The following FIG4 variants were observed in gnomAD, a reference collection of about 807,000 sequenced individuals.
FIG4 encodes polyphosphoinositide phosphatase.
A neutral mutation model predicts 118.6 loss-of-function variants in FIG4; 112 were observed. The observed-to-expected ratio is 0.94, with a 90% confidence interval of 0.81 to 1.11. The LOEUF is 1.11. Ranked by LOEUF, FIG4 falls within the 50% of genes least tolerant of loss-of-function variation. The pLI is 0.00. For missense variants in FIG4, 969 were observed against 1,111.7 expected, an observed-to-expected ratio of 0.87 and a Z score of 1.83; for synonymous variants, 369 against 381.2, an observed-to-expected ratio of 0.97 and a Z score of 0.37.
At chr6:109,727,979 G>A (rs1432764883) in intron 4 of FIG4, among the ~76,000 whole-genome samples, 1 of 152,182 alleles carries the variant, frequency 6.6e-6, no homozygotes, top group African/African-American at 2.4e-5. Context: ...GGTTAAAAGT[G>A]CATGTACTTG....
chr6:109,773,612 C>T lies in FIG4; in HGVS notation c.1751-3310C>T, dbSNP rs146980530. 4.3e-3 allele frequency among the ~76,000 whole-genome samples: 650 copies of T among 152,230 alleles called. 7 individuals carry two copies. Among genetic ancestry groups the T allele is most frequent in the African/African-American group, 0.012 (500 of 41,526 alleles). ...CTGTGTTTCATCCCTACTTCTGACA[C>T]GCTAGTCCACACAGCCACGGCCATC... On this transcript the variant is annotated intron_variant, in intron 15 of 22. Transcript: ENST00000230124.
intron 6 of FIG4, among the ~76,000 whole-genome samples, chr6:109,737,877 G>A (rs1185264740): frequency 2.0e-5 from 3 of 152,106 alleles, no homozygotes; most frequent in Non-Finnish European, 4.4e-5. Flanking sequence ...AGGGAGCAGA[G>A]GTGCCGTGCT....
intron 10 of FIG4, among the ~76,000 whole-genome samples, chr6:109,757,085 C>T (rs1297063679): frequency 1.3e-5 from 2 of 152,100 alleles, no homozygotes; most frequent in African/African-American, 4.8e-5. Context: ...TTGGCTCCTC[C>T]CCCTCTCTTT....
Position 109,715,159 on chromosome 6 carries a change from G to A in FIG4, c.148G>A (p.Val50Ile), listed in dbSNP as rs921714546. The change falls in exon 2 of 23, where the codon GTC becomes ATC. Residue 50 changes from valine (V) to isoleucine (I), a missense_variant. Physicochemically the swap from Val to Ile is conservative, Grantham distance 29. Around this residue, in one of 3 missense-constraint regions of FIG4, gnomAD observed 393 missense variants for 409.4 expected, o/e 0.96. Coordinates refer to ENST00000230124, the MANE Select transcript of FIG4 (RefSeq NM_014845.6). The stretch of plus-strand genomic sequence containing the variant: ...TGATAGAACAGAACCAAAAGATTTG[G>A]TCATAATTGATGACAGGGTAAGTAT... Reference protein sequence around the residue: ...KIDRTEPKDLVIIDDRHVYTQ... With the variant: ...KIDRTEPKDLIIIDDRHVYTQ... 3 of 1,599,880 alleles carry A rather than the reference G, an allele frequency of 1.9e-6. No individual in the cohort carries two copies. The highest frequency in any genetic ancestry group is 2.7e-5 in the African/African-American group (2 of 74,636).
intron 1 of FIG4, among the ~76,000 whole-genome samples, chr6:109,702,448 G>T (rs555951491): frequency 6.6e-6 from 1 of 152,202 alleles, no homozygotes; most frequent in Admixed American, 6.5e-5. Context: ...ATCTTAACAG[G>T]TATTATTTCA....
At chr6:109,782,186 TCTC>T (rs1777826164) in intron 16 of FIG4, among the ~76,000 whole-genome samples, 1 of 152,198 alleles carries the variant, frequency 6.6e-6, no homozygotes, top group Non-Finnish European at 1.5e-5. Context: ...TAACTTGCAA[TCTC>T]CTGTTTTCTG....
At chr6:109,769,879 A>G (rs533465595) in intron 15 of FIG4, among the ~76,000 whole-genome samples, 2 of 152,314 alleles carry the variant, frequency 1.3e-5, no homozygotes, top group Non-Finnish European at 1.5e-5. Context: ...TGATCATTCC[A>G]TTGTACTCTA....
chr6:109,789,757 A>G, intron 19 of FIG4, 80 bp downstream of exon 19: 1 of 965,160 alleles, frequency 1.0e-6, no homozygotes, highest in Non-Finnish European at 1.7e-6. Flanking sequence ...ACCAAAAACT[A>G]ATAACTTCAG....
chr6:109,736,164 G>A (rs1361841509), intron 6 of FIG4, among the ~76,000 whole-genome samples: 1 of 152,088 alleles, frequency 6.6e-6, no homozygotes, highest in Non-Finnish European at 1.5e-5. Context: ...CTTGCTCTGT[G>A]CAACTTAAAT....
At chr6:109,754,133 A>G (rs1776803984) in intron 10 of FIG4, among the ~76,000 whole-genome samples, 1 of 152,174 alleles carries the variant, frequency 6.6e-6, no homozygotes, top group East Asian at 1.9e-4. Context: ...TAATTTATTG[A>G]GAGTTTTTAG....
At chr6:109,759,721 A>T (rs545679351) in intron 10 of FIG4, among the ~76,000 whole-genome samples, 2 of 152,360 alleles carry the variant, frequency 1.3e-5, no homozygotes, top group East Asian at 1.9e-4. Flanking sequence ...ACCTCAATTC[A>T]TTCAACCACA....
intron 22 of FIG4, among the ~76,000 whole-genome samples, chr6:109,823,560 T>C (rs965164102): frequency 7.2e-5 from 11 of 152,126 alleles, no homozygotes; most frequent in Admixed American, 7.2e-4. Context: ...TAGAGCCCTT[T>C]TGGGGGGTTT....
intron 15 of FIG4, among the ~76,000 whole-genome samples, chr6:109,776,381 T>A (rs1777619621): frequency 6.6e-6 from 1 of 152,144 alleles, no homozygotes; most frequent in Non-Finnish European, 1.5e-5. Context: ...AGGGACAAAA[T>A]GTGTTGTAAA....
chr6:109,727,471 G>T (rs1312865662), intron 4 of FIG4, among the ~76,000 whole-genome samples: 1 of 152,066 alleles, frequency 6.6e-6, no homozygotes, highest in Admixed American at 6.6e-5. Context: ...AAGATCAAAT[G>T]TTGGCTCAGA....
rs538388165 is a variant in FIG4, at chr6:109,770,836, G to T, written c.1750+3941G>T. Among the ~76,000 whole-genome samples the T allele has an allele frequency of 1.3e-4, 20 of 152,320 alleles. 1 individual carries two copies. In the South Asian group the frequency reaches 2.5e-3, roughly 19 times the overall value. ...CATTTCAACACCAGAGTTCGGCAGA[G>T]ACAAATATCCAAACGATATCACAGG... On this transcript the variant is annotated intron_variant, in intron 15 of 22. Coordinates refer to ENST00000230124, the MANE Select transcript of FIG4 (RefSeq NM_014845.6).
intron 10 of FIG4, among the ~76,000 whole-genome samples, chr6:109,753,922 A>C (rs1295502566): frequency 1.3e-5 from 2 of 152,268 alleles, no homozygotes; most frequent in African/African-American, 4.8e-5. Context: ...CGAATTGAAT[A>C]CCCTTTATTT....
chr6:109,715,243 C>G (rs1775394486), intron 2 of FIG4, 67 bp downstream of exon 2: 1 of 785,430 alleles, frequency 1.3e-6, no homozygotes, highest in Non-Finnish European at 2.2e-6. Context: ...CATGAAATAT[C>G]CTTACAGTTT....
chr6:109,708,066 G>T (rs1775144227), intron 1 of FIG4, among the ~76,000 whole-genome samples: 1 of 150,870 alleles, frequency 6.6e-6, no homozygotes, highest in Non-Finnish European at 1.5e-5. Flanking sequence ...TGTCATGGGG[G>T]TTTGTTGTAC....
At chr6:109,716,658 A>G (rs1364020895) in intron 3 of FIG4, 90 bp downstream of exon 3, 3 of 1,447,280 alleles carry the variant, frequency 2.1e-6, no homozygotes, top group Non-Finnish European at 2.9e-6. Flanking sequence ...TAAGGCTATA[A>G]GGCTTTAAAA....
Sources: gnomAD v4.1 joint callset for allele counts (sites outside exome capture counted in the v4.1 genomes callset) on GRCh38, gnomAD v4.1.1 for gene constraint, gnomAD v4.1.1 regional missense constraint, MANE v1.5 for transcripts, NCBI Gene and HGNC (gene_info 2026-07-23, HGNC 2026-07-21) for gene names.